The following RIC1 variants were observed in gnomAD, a reference collection of about 807,000 sequenced individuals.
RIC1 encodes guanine nucleotide exchange factor subunit RIC1.
In RIC1, 88 loss-of-function variants were observed where a neutral mutation model predicts 169.0. The observed-to-expected ratio is 0.52, with a 90% confidence interval of 0.44 to 0.62. The LOEUF (loss-of-function observed/expected upper bound fraction) is 0.62, where lower values mean the gene tolerates loss of function less well. Ranked by LOEUF, RIC1 falls within the 20% of genes least tolerant of loss-of-function variation. RIC1 has a pLI of 0.00. For synonymous variants in RIC1, 790 were observed against 601.5 expected (o/e 1.31, Z -4.59); for missense variants, 1,877 against 1,725.5 (o/e 1.09, Z -1.56).
At chr9:5,772,459 A>G (rs1333015718) in intron 23 of RIC1, 105 bp from the exon 24 acceptor site, 6 of 899,406 alleles carry the variant, frequency 6.7e-6, no homozygotes, top group Non-Finnish European at 9.8e-6. Flanking sequence ...TTTTAGTTTC[A>G]AGATCCTGAG....
intron 12 of RIC1, among the ~76,000 whole-genome samples, chr9:5,749,621 G>C (rs1825600704): frequency 6.6e-6 from 1 of 151,888 alleles, no homozygotes; most frequent in African/African-American, 2.4e-5. Flanking sequence ...CTAGCTTTTT[G>C]TTTGTTTGCT....
At position 5,763,950 on chromosome 9, in the gene RIC1, G is replaced by C; in HGVS notation, c.2841+82G>C. ...TAGAAATGTCCTGTTTTGACACCAT[G>C]ATTGTGTTTAAGGAATTCATAGTCA... On this transcript the variant is annotated intron_variant, in intron 19 of 25. Coordinates refer to ENST00000414202, the MANE Select transcript of RIC1 (RefSeq NM_020829.4). This position sits in a 1 kb window ranked among gnomAD's most constrained non-coding sequence, Gnocchi z 5.2. 1 of 1,439,614 alleles carries C rather than the reference G, an allele frequency of 6.9e-7. No homozygotes were observed. Among genetic ancestry groups the C allele is most frequent in the Non-Finnish European group, 9.4e-7 (1 of 1,068,248 alleles). 89.2% of individuals were successfully genotyped at this position (1,439,614 alleles called of 1,614,324 possible). A position where few individuals can be genotyped will look rare whatever the true frequency, so the allele number is the denominator to read the frequency against.
At chr9:5,677,695 T>G (rs1460384514) in intron 2 of RIC1, among the ~76,000 whole-genome samples, 3 of 151,862 alleles carry the variant, frequency 2.0e-5, no homozygotes, top group Non-Finnish European at 4.4e-5. Context: ...TCATCTCAAT[T>G]TTTTTTTGTA....
intron 3 of RIC1, among the ~76,000 whole-genome samples, chr9:5,704,503 T>G (rs1254093193): frequency 6.6e-6 from 1 of 152,176 alleles, no homozygotes; most frequent in African/African-American, 2.4e-5. Flanking sequence ...TGAGCCACCA[T>G]GCCCTGCCTC....
At chr9:5,634,678 C>T (rs1036415366) in intron 1 of RIC1, among the ~76,000 whole-genome samples, 4 of 152,004 alleles carry the variant, frequency 2.6e-5, no homozygotes, top group African/African-American at 7.2e-5. Flanking sequence ...GCTTTTTTAT[C>T]TTGTTGATTG....
chr9:5,707,058 T>G (rs1418201295), intron 3 of RIC1, among the ~76,000 whole-genome samples: 3 of 152,158 alleles, frequency 2.0e-5, no homozygotes, highest in Non-Finnish European at 4.4e-5. Flanking sequence ...TCTGAGGACT[T>G]CATTCACTGT....
intron 6 of RIC1, among the ~76,000 whole-genome samples, chr9:5,722,348 AGTGTGTGTGTGTGTGTGTGTGTGT>A (rs1554673860): frequency 7.6e-6 from 1 of 131,298 alleles, no homozygotes; most frequent in African/African-American, 2.9e-5. Context: ...AGAGAGAGAG[AGTGTGTGTGTGTGTGTGTGTGTGT>A]GTGTGTGTGT....
chr9:5,716,745 C>G (rs533290724), intron 4 of RIC1, among the ~76,000 whole-genome samples: 5 of 152,324 alleles, frequency 3.3e-5, no homozygotes, highest in African/African-American at 1.2e-4. Flanking sequence ...GGAGGGGAGT[C>G]AGTTGTAGCA....
chr9:5,630,121 G>C (rs1817648847), intron 1 of RIC1, among the ~76,000 whole-genome samples: 1 of 152,164 alleles, frequency 6.6e-6, no homozygotes, highest in Non-Finnish European at 1.5e-5. Flanking sequence ...GGAACTCCCA[G>C]TTATAACACC....
intron 12 of RIC1, among the ~76,000 whole-genome samples, chr9:5,750,899 T>G (rs1274351004): frequency 6.6e-6 from 1 of 151,894 alleles, no homozygotes; most frequent in African/African-American, 2.4e-5. Context: ...CATAGTATCT[T>G]TAGACACAAA....
chr9:5,769,378 A>T (rs755465263), intron 22 of RIC1, 122 bp downstream of exon 22: 4 of 1,602,600 alleles, frequency 2.5e-6, no homozygotes, highest in Admixed American at 1.7e-5. Flanking sequence ...AATGGATAAA[A>T]GCCAACTTTT....
At chr9:5,759,225 A>G (rs1043536755) in intron 17 of RIC1, among the ~76,000 whole-genome samples, 11 of 152,252 alleles carry the variant, frequency 7.2e-5, no homozygotes, top group Non-Finnish European at 1.6e-4. Context: ...TGCAGTCCTG[A>G]GGAACTAATC....
chr9:5,770,637 G>A (rs930259514), intron 23 of RIC1, among the ~76,000 whole-genome samples: 2 of 152,066 alleles, frequency 1.3e-5, no homozygotes, highest in African/African-American at 4.8e-5. Flanking sequence ...AAATTTTACT[G>A]CATTATCATT....
chr9:5,699,091 C>G (rs906380901), intron 3 of RIC1, among the ~76,000 whole-genome samples: 3 of 152,142 alleles, frequency 2.0e-5, no homozygotes, highest in Non-Finnish European at 4.4e-5. Context: ...CAAGTATTAA[C>G]AAAGATAGCT....
rs979556204 is a variant in RIC1, at chr9:5,756,220, A to G, written c.1701A>G (p.Val567=). Residue 567 remains valine (V), a synonymous_variant, in exon 16 of 26, where the codon GTA becomes GTG. Transcript: ENST00000414202. ...NINDRQEELR[V]YLRTSNLDNA... is the part of the protein sequence containing the mutation. ...ATTTTTGTTTTCTTCAGCTTAGAGTATACTTGCGAACATCAAATCTGGACA... is the reference window on the plus strand; with the variant it reads ...ATTTTTGTTTTCTTCAGCTTAGAGTGTACTTGCGAACATCAAATCTGGACA... The G allele has an allele frequency of 8.3e-6, 13 of 1,568,252 alleles. No individual in the cohort carries two copies. The highest frequency in any genetic ancestry group is 1.8e-5 in the Admixed American group (1 of 56,912).
intron 2 of RIC1, among the ~76,000 whole-genome samples, 169 bp from the exon 3 acceptor site, chr9:5,689,790 T>C (rs913750459): frequency 3.3e-5 from 5 of 152,094 alleles, no homozygotes; most frequent in Non-Finnish European, 7.4e-5. Flanking sequence ...TTTTTCAACA[T>C]GGGTTATATT....
At chr9:5,692,391 A>C (rs768450318) in intron 3 of RIC1, among the ~76,000 whole-genome samples, 20 of 152,094 alleles carry the variant, frequency 1.3e-4, no homozygotes, top group South Asian at 4.1e-4. Flanking sequence ...CTTATGGGAT[A>C]ATTAATAAAG....
chr9:5,698,738 A>G (rs1452756205), intron 3 of RIC1, among the ~76,000 whole-genome samples: 6 of 152,206 alleles, frequency 3.9e-5, no homozygotes, highest in Non-Finnish European at 4.4e-5. Flanking sequence ...CTGTGTGTCT[A>G]TAAAATGAGA....
At chr9:5,746,737 A>G (rs1825401376) in intron 11 of RIC1, among the ~76,000 whole-genome samples, 1 of 152,198 alleles carries the variant, frequency 6.6e-6, no homozygotes, top group African/African-American at 2.4e-5. Flanking sequence ...GTAATGGTAT[A>G]TGTTACATGT....
Sources: allele counts gnomAD v4.1 joint callset (sites outside exome capture counted in the v4.1 genomes callset), GRCh38; gene constraint gnomAD v4.1.1; non-coding constraint Gnocchi (gnomAD v3.1); transcripts MANE v1.5; gene names NCBI Gene and HGNC (gene_info 2026-07-23, HGNC 2026-07-21).